The following MCOLN2 variants were observed in gnomAD, a reference collection of about 807,000 sequenced individuals.
MCOLN2 encodes the protein mucolipin TRP cation channel 2.
MCOLN2 carries 57 observed loss-of-function variants against 67.5 expected under a neutral mutation model. The observed-to-expected ratio is 0.84, with a 90% CI of 0.68 to 1.05. The LOEUF (loss-of-function observed/expected upper bound fraction) is 1.05. Ranked by LOEUF, MCOLN2 falls within the 50% of genes least tolerant of loss-of-function variation. The pLI is 0.00. For synonymous variants in MCOLN2, 246 were observed against 233.3 expected (o/e 1.05, Z -0.50); for missense variants, 620 against 678.8 (o/e 0.91, Z 0.96).
intron 6 of MCOLN2, among the ~76,000 whole-genome samples, chr1:84,949,111 T>C (rs887963166): frequency 5.3e-5 from 8 of 152,044 alleles, no homozygotes; most frequent in African/African-American, 1.2e-4. Flanking sequence ...GCCTAGGCAA[T>C]AGATTGAGAC....
At position 84,958,640 on chromosome 1, in the gene MCOLN2, A is replaced by G; in HGVS notation, c.300T>C (p.Ala100=). The change falls in exon 3 of 14, where the codon GCT becomes GCC. Residue 100 remains alanine (A), a synonymous_variant. Transcript: ENST00000370608. ...ATCCTTTCAAAAACAAGTGCTTAAA[A>G]GCAACAGTGTTATCTTCTTTGAAAG... ...VVAFKEDNTV[A]FKHLFLKGYS... The G allele has an allele frequency of 6.2e-7, 1 of 1,610,946 alleles. No individual in the cohort carries two copies. The highest frequency in any genetic ancestry group is 2.2e-5 in the East Asian group (1 of 44,716).
At chr1:84,928,902 G>A (rs1371012007) in intron 13 of MCOLN2, among the ~76,000 whole-genome samples, 1 of 151,886 alleles carries the variant, frequency 6.6e-6, no homozygotes, top group Non-Finnish European at 1.5e-5. Context: ...ACATATGTAG[G>A]GTATACTTTT....
intron 1 of MCOLN2, among the ~76,000 whole-genome samples, chr1:84,983,485 T>C (rs1295949729): frequency 6.6e-6 from 1 of 151,516 alleles, no homozygotes; most frequent in East Asian, 2.0e-4. Flanking sequence ...CCCAGACTGG[T>C]CTCAAACTCC....
chr1:84,979,343 CCT>C (rs1043865745), intron 1 of MCOLN2, among the ~76,000 whole-genome samples: 44 of 152,028 alleles, frequency 2.9e-4, no homozygotes, highest in African/African-American at 1.0e-3. Flanking sequence ...CCAGTATTAC[CCT>C]GATATCAAAA....
chr1:84,932,398 A>C (rs1647225337), intron 11 of MCOLN2, among the ~76,000 whole-genome samples: 2 of 152,098 alleles, frequency 1.3e-5, no homozygotes, highest in East Asian at 1.9e-4. Flanking sequence ...TTTTTTGTAG[A>C]GATGGGGTTT....
intron 7 of MCOLN2, among the ~76,000 whole-genome samples, chr1:84,942,493 T>C (rs987764732): frequency 6.6e-5 from 10 of 152,220 alleles, no homozygotes; most frequent in African/African-American, 2.2e-4. Context: ...GTGAAAATTA[T>C]GCAAGTTCAT....
At chr1:84,936,362 C>G (rs1276784837) in intron 11 of MCOLN2, among the ~76,000 whole-genome samples, 1 of 152,110 alleles carries the variant, frequency 6.6e-6, no homozygotes, top group South Asian at 2.1e-4. Context: ...GAATTAAAGC[C>G]GAATCCTCAG....
chr1:84,937,564 G>C (rs1403426279), intron 11 of MCOLN2, 191 bp downstream of exon 11: 25 of 1,356,000 alleles, frequency 1.8e-5, no homozygotes, highest in Non-Finnish European at 2.3e-5. Flanking sequence ...TACAGTTCTT[G>C]TTTCAATATC....
intron 11 of MCOLN2, among the ~76,000 whole-genome samples, chr1:84,932,355 G>A (rs2102801955): frequency 6.6e-6 from 1 of 152,150 alleles, no homozygotes; most frequent in African/African-American, 2.4e-5. Context: ...GGGATTACAG[G>A]TGCCTGCCAC....
Position 84,965,436 on chromosome 1 carries a change from G to T in MCOLN2, c.237+113C>A. 4.3e-6 allele frequency: 5 copies of T among 1,154,256 alleles called. No homozygotes were observed. In the South Asian group the frequency reaches 8.0e-5, roughly 19 times the overall value. The allele number at this position is 1,154,256 out of a possible 1,614,324, so 71.5% of individuals were successfully genotyped here. On this transcript the variant is annotated intron_variant, in intron 2 of 13. Coordinates refer to ENST00000370608, the MANE Select transcript of MCOLN2 (RefSeq NM_153259.4). ...GCTCTCCAGAGTCAATATAATTTTA[G>T]TTTTATGAACTTGAGTGTGGGCTTT...
chr1:84,962,288 G>A (rs926182919), intron 2 of MCOLN2, among the ~76,000 whole-genome samples: 4 of 152,234 alleles, frequency 2.6e-5, no homozygotes, highest in African/African-American at 7.2e-5. Flanking sequence ...GCTCATGCCT[G>A]TAATCCCAGC....
At chr1:84,940,029 G>A (rs777937890) in intron 8 of MCOLN2, among the ~76,000 whole-genome samples, 2 of 151,972 alleles carry the variant, frequency 1.3e-5, no homozygotes, top group Non-Finnish European at 1.5e-5. Flanking sequence ...AAGCAGGTAC[G>A]AGCAGGTCTA....
intron 7 of MCOLN2, among the ~76,000 whole-genome samples, chr1:84,941,210 A>G (rs1354589195): frequency 6.6e-6 from 1 of 152,208 alleles, no homozygotes; most frequent in Non-Finnish European, 1.5e-5. Context: ...AAAACATGTG[A>G]GCTGGGCCAG....
At chr1:84,983,821 C>T (rs1199607525) in intron 1 of MCOLN2, among the ~76,000 whole-genome samples, 18 of 151,598 alleles carry the variant, frequency 1.2e-4, no homozygotes, top group East Asian at 7.8e-4. Context: ...GGATTACAGG[C>T]GCACGCCTCC....
At chr1:84,950,036 A>G (rs2102831537) in intron 6 of MCOLN2, among the ~76,000 whole-genome samples, 1 of 152,356 alleles carries the variant, frequency 6.6e-6, no homozygotes, top group East Asian at 1.9e-4. Flanking sequence ...AGAATACCCC[A>G]GTATTGGAAT....
intron 2 of MCOLN2, among the ~76,000 whole-genome samples, chr1:84,962,190 G>A (rs1460657675): frequency 1.3e-5 from 2 of 152,198 alleles, no homozygotes; most frequent in African/African-American, 2.4e-5. Context: ...TTTATTAGGG[G>A]AAACAGGGTA....
At chr1:84,964,364 T>C (rs1470410730) in intron 2 of MCOLN2, among the ~76,000 whole-genome samples, 2 of 152,206 alleles carry the variant, frequency 1.3e-5, no homozygotes, top group African/African-American at 4.8e-5. Context: ...TCTACACTGA[T>C]AACAGAATGA....
chr1:84,959,650 C>T (rs1648975299), intron 2 of MCOLN2, among the ~76,000 whole-genome samples: 1 of 152,128 alleles, frequency 6.6e-6, no homozygotes, highest in Admixed American at 6.5e-5. Context: ...CTCTATAAGC[C>T]CTGTCCCACA....
At chr1:84,972,215 C>A (rs1431159332) in intron 1 of MCOLN2, among the ~76,000 whole-genome samples, 5 of 152,160 alleles carry the variant, frequency 3.3e-5, no homozygotes, top group Admixed American at 6.5e-5. Flanking sequence ...CGTAAAACCA[C>A]TTAAGGAACA....
Sources: allele counts gnomAD v4.1 joint callset (sites outside exome capture counted in the v4.1 genomes callset), GRCh38; gene constraint gnomAD v4.1.1; transcripts MANE v1.5; gene names NCBI Gene and HGNC (gene_info 2026-07-23, HGNC 2026-07-21).